Variants in MRPS28 observed in about 807,000 individuals in gnomAD.
MRPS28 encodes mitochondrial ribosomal protein S28, also known as small ribosomal subunit protein bS1m.
MRPS28 carries 7 observed loss-of-function variants against 10.8 expected under a neutral mutation model. That is an observed-to-expected ratio of 0.65 (90% CI 0.37 to 1.22). The LOEUF (loss-of-function observed/expected upper bound fraction) is 1.22, where lower values mean the gene tolerates loss of function less well. MRPS28 is among the 50% of genes most tolerant of loss of function. MRPS28 has a pLI of 0.02. For missense variants in MRPS28, 265 were observed against 232.9 expected, an observed-to-expected ratio of 1.14 and a Z score of -0.90; for synonymous variants, 121 against 93.3, an observed-to-expected ratio of 1.30 and a Z score of -1.71.
chr8:79,919,444 G>A (rs1022839507), intron 2 of MRPS28, among the ~76,000 whole-genome samples: 1 of 151,712 alleles, frequency 6.6e-6, no homozygotes, highest in Admixed American at 6.6e-5. Flanking sequence ...GGGCTCAAGC[G>A]ACTCTCCTGC....
At chr8:79,999,935 TG>T (rs1460161923) in intron 2 of MRPS28, among the ~76,000 whole-genome samples, 5 of 152,184 alleles carry the variant, frequency 3.3e-5, no homozygotes. Context: ...AGGCCTTTTT[TG>T]ACTACTGTTA....
intron 1 of MRPS28, among the ~76,000 whole-genome samples, chr8:80,009,282 G>A (rs912478209): frequency 3.9e-5 from 6 of 152,134 alleles, no homozygotes; most frequent in Admixed American, 2.6e-4. Flanking sequence ...GCTGTGGGGT[G>A]GGGGCAGAGG....
At chr8:80,011,397 C>T (rs1438255143) in intron 1 of MRPS28, among the ~76,000 whole-genome samples, 5 of 114,106 alleles carry the variant, frequency 4.4e-5, no homozygotes, top group Non-Finnish European at 8.6e-5. Context: ...CTTCTTTTTT[C>T]GCTTTGGCTA....
At chr8:79,923,396 T>C (rs1053866426) in intron 2 of MRPS28, among the ~76,000 whole-genome samples, 5 of 152,212 alleles carry the variant, frequency 3.3e-5, no homozygotes, top group African/African-American at 1.2e-4. Flanking sequence ...AGTCTTATAA[T>C]GTCTTTCCTA....
intron 2 of MRPS28, among the ~76,000 whole-genome samples, chr8:79,937,495 T>C (rs1002693010): frequency 2.6e-5 from 4 of 152,198 alleles, no homozygotes; most frequent in Non-Finnish European, 4.4e-5. Context: ...AGCTTAGTGA[T>C]ACTGATTTTC....
chr8:79,984,556 C>T (rs1211050287), intron 2 of MRPS28, among the ~76,000 whole-genome samples: 1 of 152,038 alleles, frequency 6.6e-6, no homozygotes, highest in Non-Finnish European at 1.5e-5. Flanking sequence ...CACACATAGG[C>T]TCAAAATAAA....
rs749320782 is a variant in MRPS28, at chr8:80,030,174, G to A, written c.75C>T (p.Pro25=). 3 of 1,614,044 alleles carry A rather than the reference G, an allele frequency of 1.9e-6. No individual in the cohort carries two copies. Among genetic ancestry groups the A allele is most frequent in the South Asian group, 1.1e-5 (1 of 91,088 alleles). Reference sequence around the variant, plus strand: ...CACTCTCAGTGCCTACACCCCGAAAGGGCCTGAAGAAGAGAAACACTCGCA... The same window carrying A: ...CACTCTCAGTGCCTACACCCCGAAAAGGCCTGAAGAAGAGAAACACTCGCA... ...HFLRVFLFFR[P]FRGVGTESGS... The change falls in exon 1 of 3, where the codon CCC becomes CCT. Residue 25 remains proline (P), a synonymous_variant. Transcript: ENST00000276585.
chr8:79,947,966 T>C (rs1455637298), intron 2 of MRPS28, among the ~76,000 whole-genome samples: 11 of 149,406 alleles, frequency 7.4e-5, no homozygotes, highest in African/African-American at 2.2e-4. Context: ...CTATTATATA[T>C]AGTGTTAAAT....
At chr8:79,961,495 T>C (rs1807369705) in intron 2 of MRPS28, among the ~76,000 whole-genome samples, 2 of 152,172 alleles carry the variant, frequency 1.3e-5, no homozygotes, top group South Asian at 2.1e-4. Context: ...ATTCTTCTCA[T>C]GCTTCAATTA....
intron 2 of MRPS28, among the ~76,000 whole-genome samples, chr8:79,938,278 T>C (rs1806662972): frequency 6.6e-6 from 1 of 152,168 alleles, no homozygotes. Context: ...ATTTGCACTT[T>C]ACATGTTATT....
At chr8:79,976,163 A>G (rs1010874580) in intron 2 of MRPS28, among the ~76,000 whole-genome samples, 7 of 151,708 alleles carry the variant, frequency 4.6e-5, no homozygotes, top group African/African-American at 1.7e-4. Flanking sequence ...AGCTCACTGC[A>G]ACCTCTGCCT....
chr8:80,007,223 C>G (rs369211030), intron 1 of MRPS28, among the ~76,000 whole-genome samples: 33 of 152,224 alleles, frequency 2.2e-4, no homozygotes, highest in Middle Eastern at 3.4e-3. Context: ...ATTCAACAAC[C>G]CTTCATGCTA....
intron 2 of MRPS28, among the ~76,000 whole-genome samples, chr8:79,930,728 A>G (rs1174878013): frequency 3.3e-5 from 5 of 152,186 alleles, no homozygotes; most frequent in African/African-American, 1.2e-4. Context: ...CAAGCTGATG[A>G]TATTTTTGCT....
chr8:80,029,921 T>C (rs772826314), intron 1 of MRPS28, 115 bp downstream of exon 1: 390 of 1,536,210 alleles, frequency 2.5e-4, no homozygotes, highest in Non-Finnish European at 3.3e-4. Flanking sequence ...TCCGGAAAAC[T>C]GGGCCCCGGA....
intron 2 of MRPS28, among the ~76,000 whole-genome samples, chr8:80,001,693 T>C (rs1285435989): frequency 1.3e-5 from 2 of 152,226 alleles, no homozygotes; most frequent in African/African-American, 4.8e-5. Context: ...TGATATTTGA[T>C]ACACCAATTC....
intron 2 of MRPS28, among the ~76,000 whole-genome samples, chr8:79,929,574 G>A (rs1304638703): frequency 3.3e-5 from 5 of 152,118 alleles, no homozygotes; most frequent in Non-Finnish European, 5.9e-5. Flanking sequence ...TTAAAAAGGT[G>A]ACGGTACTTA....
intron 1 of MRPS28, among the ~76,000 whole-genome samples, chr8:80,016,829 G>A (rs1024544752): frequency 6.6e-6 from 1 of 151,994 alleles, no homozygotes; most frequent in African/African-American, 2.4e-5. Flanking sequence ...AAACTGCAAG[G>A]AAAAATAGAT....
Position 80,003,029 on chromosome 8 carries a change from C to T in MRPS28, c.365G>A (p.Cys122Tyr). The change falls in exon 2 of 3, where the codon TGT (cysteine) becomes TAT (tyrosine). Residue 122 changes from cysteine (C) to tyrosine (Y), a missense_variant. Physicochemically the swap from Cys to Tyr is radical, Grantham distance 194. Coordinates refer to ENST00000276585, the MANE Select transcript of MRPS28 (RefSeq NM_014018.3). ...ATCCACTTCTGGTCTTCTACATACA[C>T]AATGAAACTTTCCACCAAAATCTAT... Reference protein sequence around the residue: ...LYIDFGGKFHCVCRRPEVDGE... With the variant: ...LYIDFGGKFHYVCRRPEVDGE... 1 of 1,603,278 alleles carries T rather than the reference C, an allele frequency of 6.2e-7. No homozygotes were observed. Among genetic ancestry groups the T allele is most frequent in the East Asian group, 2.2e-5 (1 of 44,720 alleles).
chr8:79,926,465 G>A (rs1810238270), intron 2 of MRPS28, among the ~76,000 whole-genome samples: 1 of 152,166 alleles, frequency 6.6e-6, no homozygotes, highest in Non-Finnish European at 1.5e-5. Flanking sequence ...AAAGTGCATG[G>A]CACATAATAA....
Sources: allele counts gnomAD v4.1 joint callset (sites outside exome capture counted in the v4.1 genomes callset), GRCh38; gene constraint gnomAD v4.1.1; transcripts MANE v1.5; gene names NCBI Gene and HGNC (gene_info 2026-07-23, HGNC 2026-07-21).